Variants in POC1A observed in about 807,000 individuals in gnomAD.
POC1A encodes the protein POC1 centriolar protein homolog A.
POC1A carries 34 observed loss-of-function variants against 47.8 expected under a neutral mutation model. That is an observed-to-expected ratio of 0.71 (90% CI 0.54 to 0.95). POC1A has a LOEUF of 0.95. POC1A is among the 40% of genes least tolerant of loss of function. POC1A has a pLI of 0.00. For missense variants in POC1A, 466 were observed against 528.3 expected, an observed-to-expected ratio of 0.88 and a Z score of 1.16; for synonymous variants, 177 against 207.6, an observed-to-expected ratio of 0.85 and a Z score of 1.27.
At chr3:52,125,834 G>A (rs970467596) in intron 7 of POC1A, among the ~76,000 whole-genome samples, 2 of 152,200 alleles carry the variant, frequency 1.3e-5, no homozygotes, top group Non-Finnish European at 2.9e-5. Flanking sequence ...GAAGGTCTGC[G>A]TGACCATCTG....
chr3:52,109,055 C>T (rs1346178244), intron 9 of POC1A, among the ~76,000 whole-genome samples: 1 of 152,184 alleles, frequency 6.6e-6, no homozygotes, highest in Non-Finnish European at 1.5e-5. Flanking sequence ...AAGCCCAAGA[C>T]AGCTCCAGGC....
intron 1 of POC1A, among the ~76,000 whole-genome samples, chr3:52,151,805 C>T (rs1698568705): frequency 6.6e-6 from 1 of 151,734 alleles, no homozygotes; most frequent in Non-Finnish European, 1.5e-5. Context: ...ACCGATTCCA[C>T]ATAATTCCTA....
intron 6 of POC1A, among the ~76,000 whole-genome samples, chr3:52,145,204 G>A (rs1284985283): frequency 1.3e-5 from 2 of 152,082 alleles, no homozygotes; most frequent in Admixed American, 6.5e-5. Context: ...TACTCTCAGC[G>A]AACTCATCCT....
At chr3:52,144,880 G>T (rs1185361395) in intron 6 of POC1A, among the ~76,000 whole-genome samples, 1 of 152,298 alleles carries the variant, frequency 6.6e-6, no homozygotes, top group South Asian at 2.1e-4. Flanking sequence ...TGTGTCAGGG[G>T]TGGGTGGGGT....
At chr3:52,096,404 A>T (rs1222278494) in intron 10 of POC1A, among the ~76,000 whole-genome samples, 165 bp downstream of exon 10, 1 of 152,270 alleles carries the variant, frequency 6.6e-6, no homozygotes, top group South Asian at 2.1e-4. Flanking sequence ...TCCAAGAGCC[A>T]GGATCCCCGG....
intron 9 of POC1A, among the ~76,000 whole-genome samples, chr3:52,112,131 C>A (rs554404412): frequency 1.3e-5 from 2 of 152,128 alleles, no homozygotes; most frequent in East Asian, 3.8e-4. Context: ...AAAGGGCCCA[C>A]GGGGCAGCAC....
At position 52,149,849 on chromosome 3, in the gene POC1A, C is replaced by T. The variant is rs757612033; in HGVS notation, c.242G>A (p.Arg81Gln). The change falls in exon 3 of 11, where the codon CGA (arginine) becomes CAA (glutamine). Residue 81 changes from arginine (R) to glutamine (Q), a missense_variant. Physicochemically the swap from Arg to Gln is conservative, Grantham distance 43 (BLOSUM62 1). Coordinates refer to ENST00000296484, the MANE Select transcript of POC1A (RefSeq NM_015426.5). ...TACCCAGATGCGGACAGTCTTGTCTCGGGAGCCGGAAGCAAGCAGGTGTCC... is the reference window on the plus strand; with the variant it reads ...TACCCAGATGCGGACAGTCTTGTCTTGGGAGCCGGAAGCAAGCAGGTGTCC... Reference protein sequence around the residue: ...PSGHLLASGSRDKTVRIWVPN... With the variant: ...PSGHLLASGSQDKTVRIWVPN... The T allele has an allele frequency of 1.1e-5, 17 of 1,613,726 alleles. No individual in the cohort carries two copies. Among genetic ancestry groups the T allele is most frequent in the Non-Finnish European group, 1.4e-5 (17 of 1,180,000 alleles).
chr3:52,109,034 C>A (rs1336128827), intron 9 of POC1A, among the ~76,000 whole-genome samples: 1 of 152,168 alleles, frequency 6.6e-6, no homozygotes, highest in African/African-American at 2.4e-5. Flanking sequence ...CCCAGACGCG[C>A]CCCCTTCCCC....
chr3:52,151,492 T>A (rs1391636223), intron 1 of POC1A, among the ~76,000 whole-genome samples: 1 of 151,402 alleles, frequency 6.6e-6, no homozygotes, highest in Non-Finnish European at 1.5e-5. Flanking sequence ...GCGCCTATAA[T>A]CCCAGTTACT....
At chr3:52,100,868 T>C (rs1172691688) in intron 9 of POC1A, among the ~76,000 whole-genome samples, 1 of 152,072 alleles carries the variant, frequency 6.6e-6, no homozygotes, top group Non-Finnish European at 1.5e-5. Context: ...ACCTCTCCCC[T>C]GTAGAAGAGC....
chr3:52,115,427 C>T (rs915719566), intron 9 of POC1A, among the ~76,000 whole-genome samples: 1 of 152,212 alleles, frequency 6.6e-6, no homozygotes, highest in African/African-American at 2.4e-5. Flanking sequence ...GTTGAACCCA[C>T]ACTTCTCCCC....
rs1158049035 is a variant in POC1A, at chr3:52,084,954, AGCT to A, written c.1126-8972_1126-8970del. ...GGGCTGGGGACACAGTGGCAAGGGG[AGCT>A]GCAACTGTCCTGGGTTGGCAGGTTT... On this transcript the variant is annotated intron_variant, in intron 10 of 10. Coordinates refer to ENST00000296484, the MANE Select transcript of POC1A (RefSeq NM_015426.5). The surrounding 1 kb of genome is among the most constrained non-coding windows in gnomAD (Gnocchi z 4.3). Among the ~76,000 whole-genome samples the A allele has an allele frequency of 1.3e-5, 2 of 152,216 alleles. No homozygotes were observed. The highest frequency in any genetic ancestry group is 2.9e-5 in the Non-Finnish European group (2 of 68,032).
rs551742062 is a variant in POC1A, at chr3:52,114,958, A to T, written c.981+7421T>A. 3.9e-5 allele frequency among the ~76,000 whole-genome samples: 6 copies of T among 152,326 alleles called. No homozygotes were observed. In the South Asian group the frequency reaches 1.2e-3, roughly 32 times the overall value. On this transcript the variant is annotated intron_variant, in intron 9 of 10. Coordinates refer to ENST00000296484, the MANE Select transcript of POC1A (RefSeq NM_015426.5). ...CTATTCAGCCAAAGGGTGTGAGCAA[A>T]GTGAGAGCCACAACACATTAACAGG... is the stretch of plus-strand genomic sequence containing the variant.
chr3:52,114,455 G>A (rs1703489365), intron 9 of POC1A, among the ~76,000 whole-genome samples: 1 of 152,232 alleles, frequency 6.6e-6, no homozygotes, highest in Non-Finnish European at 1.5e-5. Context: ...AGCACTGACA[G>A]GGGTCCACAC....
chr3:52,096,651 T>C lies in POC1A; in HGVS notation c.1043A>G (p.Gln348Arg). 3.1e-6 allele frequency: 5 copies of C among 1,613,160 alleles called. No individual in the cohort carries two copies. Among genetic ancestry groups the C allele is most frequent in the Non-Finnish European group, 4.2e-6 (5 of 1,179,624 alleles). Residue 348 changes from glutamine (Q) to arginine (R), a missense_variant, in exon 10 of 11, where the codon CAG becomes CGG. Gln to Arg is a conservative substitution (Grantham distance 43). Coordinates refer to ENST00000296484, the MANE Select transcript of POC1A (RefSeq NM_015426.5). The stretch of plus-strand genomic sequence containing the variant: ...GGGCACACTCACGGGCTCCTGGGGC[T>C]GGCTCTGCACAGACTCCACACTCCT... ...RGRSVESVQS[Q>R]PQEPVSVPQT...
intron 9 of POC1A, among the ~76,000 whole-genome samples, chr3:52,109,275 C>A (rs1703296995): frequency 6.6e-6 from 1 of 152,114 alleles, no homozygotes; most frequent in South Asian, 2.1e-4. Flanking sequence ...TAAGAAATGG[C>A]CTTATTTGGA....
At chr3:52,089,678 G>A (rs1702581947) in intron 10 of POC1A, among the ~76,000 whole-genome samples, 1 of 152,200 alleles carries the variant, frequency 6.6e-6, no homozygotes, top group Admixed American at 6.5e-5. Context: ...GGGATCATGG[G>A]AAGACGCACT....
chr3:52,096,734 T>C, intron 9 of POC1A, 22 bp from the exon 10 acceptor site: 1 of 1,559,608 alleles, frequency 6.4e-7, no homozygotes, highest in African/African-American at 1.4e-5. Context: ...AAGAAAAAAG[T>C]TCCTCAGTCT....
chr3:52,078,020 G>A (rs1165834558), intron 10 of POC1A, among the ~76,000 whole-genome samples: 1 of 152,070 alleles, frequency 6.6e-6, no homozygotes, highest in East Asian at 1.9e-4. Context: ...CTGCATGAAG[G>A]GTGCCACCCC....
Sources: allele counts gnomAD v4.1 joint callset (sites outside exome capture counted in the v4.1 genomes callset), GRCh38; gene constraint gnomAD v4.1.1; non-coding constraint Gnocchi (gnomAD v3.1); transcripts MANE v1.5; gene names NCBI Gene and HGNC (gene_info 2026-07-23, HGNC 2026-07-21).